Variants in NDUFB6 observed in about 807,000 individuals in gnomAD.
The protein encoded by NDUFB6 is NADH:ubiquinone oxidoreductase subunit B6.
NDUFB6 carries 23 observed loss-of-function variants against 17.5 expected under a neutral mutation model. That is an observed-to-expected ratio of 1.31 (90% CI 0.94 to 1.86). NDUFB6 has a LOEUF of 1.86. NDUFB6 is among the 40% of genes most tolerant of loss of function. NDUFB6 has a pLI of 0.00. For synonymous variants in NDUFB6, 60 were observed against 53.5 expected, an observed-to-expected ratio of 1.12 and a Z score of -0.53; for missense variants, 167 against 153.8, an observed-to-expected ratio of 1.09 and a Z score of -0.46.
At position 32,553,924 on chromosome 9, in the gene NDUFB6, A is replaced by T; in HGVS notation, c.339T>A (p.Thr113=). The T allele has an allele frequency of 6.3e-7, 1 of 1,597,148 alleles. No homozygotes were observed. Among genetic ancestry groups the T allele is most frequent in the Non-Finnish European group, 8.6e-7 (1 of 1,166,020 alleles). ...CTTTCATTGGTGGAATTACTTCTCC[A>T]GTCTCCAGAATTGTATCACCCTAGG... ...RIFPGDTILE[T]GEVIPPMKEF... is the part of the protein sequence containing the mutation. The change falls in exon 4 of 4, where the codon ACT becomes ACA. Residue 113 remains threonine, a synonymous_variant. Transcript: ENST00000379847.
intron 2 of NDUFB6, among the ~76,000 whole-genome samples, chr9:32,563,140 C>T (rs1171278817): frequency 6.6e-6 from 1 of 152,082 alleles, no homozygotes; most frequent in Non-Finnish European, 1.5e-5. Flanking sequence ...AAAAGTAATG[C>T]TGTGTTCTTA....
At chr9:32,561,581 A>C (rs145387758) in intron 2 of NDUFB6, among the ~76,000 whole-genome samples, 1,523 of 152,218 alleles carry the variant, frequency 0.01, 32 homozygotes, top group African/African-American at 0.035. Context: ...CACCCGCCTC[A>C]GCCTCCCAAA....
rs2118992922 is a variant in NDUFB6 at position 32,553,660 on chromosome 9, G to T, written c.*216C>A. ...CCATACCGTTTTCCAAGTCAAGAAT[G>T]ACCAGAAAAAGTAGGTAGTCTCTCA... On this transcript the variant is annotated 3_prime_UTR_variant, in exon 4 of 4. Transcript: ENST00000379847. The T allele has an allele frequency of 4.0e-6, 2 of 504,530 alleles. No homozygotes were observed. The highest frequency in any genetic ancestry group is 2.5e-5 in the South Asian group (1 of 39,676). The allele number at this position is 504,530 out of a possible 1,614,324, so 31.3% of individuals were successfully genotyped here. A position where few individuals can be genotyped will look rare whatever the true frequency, so the allele number is the denominator to read the frequency against.
At chr9:32,570,626 C>T (rs893106550) in intron 2 of NDUFB6, among the ~76,000 whole-genome samples, 42 of 152,066 alleles carry the variant, frequency 2.8e-4, no homozygotes, top group African/African-American at 1.0e-3. Flanking sequence ...TTACCTTATA[C>T]GAGATACAGG....
chr9:32,558,918 T>G lies in NDUFB6; in HGVS notation c.310A>C (p.Ile104Leu). ...GAAGTGTTAAGACTTACAGGGAATATTCTGGACTTCTTTTCAACTATGCCA... is the reference window on the plus strand; with the variant it reads ...GAAGTGTTAAGACTTACAGGGAATAGTCTGGACTTCTTTTCAACTATGCCA... ...PYGIVEKKSR[I>L]FPGDTILETG... Residue 104 changes from isoleucine (I) to leucine (L), a missense_variant, in exon 3 of 4, where the codon ATA becomes CTA. Coordinates refer to ENST00000379847, the MANE Select transcript of NDUFB6 (RefSeq NM_002493.5). The G allele has an allele frequency of 1.3e-6, 2 of 1,582,062 alleles. No individual in the cohort carries two copies. Among genetic ancestry groups the G allele is most frequent in the Non-Finnish European group, 1.7e-6 (2 of 1,153,958 alleles).
In NDUFB6 at chr9:32,553,490, G is replaced by C. The variant is rs1821362003; in HGVS notation, c.*386C>G. On this transcript the variant is annotated 3_prime_UTR_variant, in exon 4 of 4. Coordinates refer to ENST00000379847, the MANE Select transcript of NDUFB6 (RefSeq NM_002493.5). ...AGGCATGAGCCACTGCGCCTGGCCG[G>C]AAAGATTTCCTTAAAACAAAAGTGC... is the stretch of plus-strand genomic sequence containing the variant. 1.0e-5 allele frequency: 2 copies of C among 199,064 alleles called. No homozygotes were observed. The highest frequency in any genetic ancestry group is 4.8e-5 in the African/African-American group (2 of 41,874). 12.3% of individuals were successfully genotyped at this position (199,064 alleles called of 1,614,324 possible). A position where few individuals can be genotyped will look rare whatever the true frequency, so the allele number is the denominator to read the frequency against.
At chr9:32,561,228 A>G (rs1424538521) in intron 2 of NDUFB6, among the ~76,000 whole-genome samples, 1 of 152,154 alleles carries the variant, frequency 6.6e-6, no homozygotes, top group Non-Finnish European at 1.5e-5. Flanking sequence ...TTCCTCTTAG[A>G]ACTAACAATC....
Position 32,558,936 on chromosome 9 carries a change from C to G in NDUFB6, c.292G>C (p.Val98Leu). The G allele has an allele frequency of 6.3e-7, 1 of 1,584,756 alleles. No individual in the cohort carries two copies. The highest frequency in any genetic ancestry group is 8.6e-7 in the Non-Finnish European group (1 of 1,156,500). ...GGGAATATTCTGGACTTCTTTTCAA[C>G]TATGCCATATGGTTTTTCCTGTAAT... ...YHVSEKPYGI[V>L]EKKSRIFPGD... The change falls in exon 3 of 4, where the codon GTT becomes CTT. Residue 98 changes from valine to leucine, a missense_variant. Coordinates refer to ENST00000379847, the MANE Select transcript of NDUFB6 (RefSeq NM_002493.5).
At chr9:32,566,984 C>A in intron 2 of NDUFB6, 1 of 507,392 alleles carries the variant, frequency 2.0e-6, no homozygotes, top group South Asian at 1.8e-5. Flanking sequence ...ACGCTTCGGT[C>A]AGCTCCATGC....
chr9:32,570,024 C>A (rs1821905020), intron 2 of NDUFB6, among the ~76,000 whole-genome samples: 1 of 152,090 alleles, frequency 6.6e-6, no homozygotes, highest in African/African-American at 2.4e-5. Context: ...CTGAGGTATG[C>A]CTGTATTTGG....
Position 32,570,977 on chromosome 9 carries a change from T to C in NDUFB6, c.256A>G (p.Met86Val). 1 of 1,588,092 alleles carries C rather than the reference T, an allele frequency of 6.3e-7. No homozygotes were observed. Among genetic ancestry groups the C allele is most frequent in the Non-Finnish European group, 8.6e-7 (1 of 1,162,076 alleles). Residue 86 changes from methionine (M) to valine (V), a missense_variant, in exon 2 of 4, where the codon ATG (methionine) becomes GTG (valine). Physicochemically the swap from Met to Val is conservative, Grantham distance 21. Transcript: ENST00000379847. ...LVPVWIIHYY[M>V]KYHVSEKPYG... The stretch of plus-strand genomic sequence containing the variant: ...ATACTTACAGAAACATGATACTTCA[T>C]GTAATAATGAATAATCCAGACAGGT...
intron 3 of NDUFB6, among the ~76,000 whole-genome samples, chr9:32,555,787 G>C (rs1821439023): frequency 6.6e-6 from 1 of 152,170 alleles, no homozygotes; most frequent in African/African-American, 2.4e-5. Context: ...ATAATGAAAA[G>C]AACAAACCCC....
chr9:32,564,141 T>C (rs1367696197), intron 2 of NDUFB6, among the ~76,000 whole-genome samples: 1 of 152,224 alleles, frequency 6.6e-6, no homozygotes, highest in Non-Finnish European at 1.5e-5. Flanking sequence ...CAAACACGCA[T>C]GCACACATCC....
Position 32,553,691 on chromosome 9 carries a change from G to A in NDUFB6, c.*185C>T. On this transcript the variant is annotated 3_prime_UTR_variant, in exon 4 of 4. Coordinates refer to ENST00000379847, the MANE Select transcript of NDUFB6 (RefSeq NM_002493.5). ...AAAAAGTAGGTAGTCTCTCATATTTGTTTAGCATGTCCACTTTTTACTTAT... is the reference window on the plus strand; with the variant it reads ...AAAAAGTAGGTAGTCTCTCATATTTATTTAGCATGTCCACTTTTTACTTAT... 1.8e-6 allele frequency: 1 copy of A among 547,938 alleles called. No homozygotes were observed. The highest frequency in any genetic ancestry group is 3.1e-5 in the East Asian group (1 of 31,914). 33.9% of individuals were successfully genotyped at this position (547,938 alleles called of 1,614,324 possible).
In NDUFB6 at chr9:32,569,416, C is replaced by T. The variant is rs1182468509; in HGVS notation, c.273+1544G>A. Reference sequence around the variant, plus strand: ...TTTATTTTTAGTAGAGGTGGGGTTTCACCATGTTGGCCAGGATGGTCTCGA... The same window carrying T: ...TTTATTTTTAGTAGAGGTGGGGTTTTACCATGTTGGCCAGGATGGTCTCGA... On this transcript the variant is annotated intron_variant, in intron 2 of 3. Transcript: ENST00000379847. Among the ~76,000 whole-genome samples, 4 of 152,108 alleles carry T rather than the reference C, an allele frequency of 2.6e-5. No homozygotes were observed. In the South Asian group the frequency reaches 8.3e-4, roughly 32 times the overall value.
At position 32,573,073 on chromosome 9, in the gene NDUFB6, A is replaced by G. The variant is rs1457717306; in HGVS notation, c.-13T>C. On this transcript the variant is annotated 5_prime_UTR_variant, in exon 1 of 4. Coordinates refer to ENST00000379847, the MANE Select transcript of NDUFB6 (RefSeq NM_002493.5). ...TGTACCCCGTCATGTCGCCGCTGGT[A>G]CCAACGCAAAAGGACACGGCGCACC... 6.5e-7 allele frequency: 1 copy of G among 1,543,580 alleles called. No homozygotes were observed. Among genetic ancestry groups the G allele is most frequent in the Admixed American group, 2.0e-5 (1 of 51,152 alleles).
intron 2 of NDUFB6, among the ~76,000 whole-genome samples, chr9:32,569,156 A>G (rs1348798611): frequency 1.3e-5 from 2 of 152,184 alleles, no homozygotes; most frequent in East Asian, 3.9e-4. Flanking sequence ...ATTAGCAAAA[A>G]GATCATACAT....
At chr9:32,569,824 A>C (rs1387980335) in intron 2 of NDUFB6, among the ~76,000 whole-genome samples, 1 of 150,180 alleles carries the variant, frequency 6.7e-6, no homozygotes, top group Non-Finnish European at 1.5e-5. Context: ...CCCAGCAATA[A>C]AGTATTTTTA....
intron 2 of NDUFB6, among the ~76,000 whole-genome samples, chr9:32,563,643 T>C (rs1369238114): frequency 1.3e-5 from 2 of 152,136 alleles, no homozygotes; most frequent in African/African-American, 4.8e-5. Context: ...CATCCTTTGA[T>C]GTTCCTTAGC....
Sources: gnomAD v4.1 joint callset for allele counts (sites outside exome capture counted in the v4.1 genomes callset) on GRCh38, gnomAD v4.1.1 for gene constraint, MANE v1.5 for transcripts, NCBI Gene and HGNC (gene_info 2026-07-23, HGNC 2026-07-21) for gene names.